Variants in CLIC5 observed in about 807,000 individuals in gnomAD.
The protein encoded by CLIC5 is CLIC family member 5.
CLIC5 carries 20 observed loss-of-function variants against 24.7 expected under a neutral mutation model. The ratio of observed to expected loss-of-function variants is 0.81; its 90% CI spans 0.57 to 1.18. The LOEUF is 1.18. CLIC5 is among the 50% of genes most tolerant of loss of function. The pLI is 0.00. For synonymous variants in CLIC5, 159 were observed against 135.6 expected, an observed-to-expected ratio of 1.17 and a Z score of -1.20; for missense variants, 341 against 326.1, an observed-to-expected ratio of 1.05 and a Z score of -0.35.
At chr6:45,925,744 T>C (rs1443536272) in intron 4 of CLIC5, among the ~76,000 whole-genome samples, 1 of 152,236 alleles carries the variant, frequency 6.6e-6, no homozygotes, top group Non-Finnish European at 1.5e-5. Flanking sequence ...ACTCTATTTA[T>C]ATACTTATGT....
At chr6:46,129,142 A>G in the CLIC5 span, among the ~76,000 whole-genome samples, 1 of 152,140 alleles carries the variant, frequency 6.6e-6, no homozygotes, top group African/African-American at 2.4e-5. Context: ...GAAAGAAAAT[A>G]CCTTCTGGAG....
At chr6:46,053,199 C>T (rs1486683748) in intron 1 of CLIC5, among the ~76,000 whole-genome samples, 2 of 152,060 alleles carry the variant, frequency 1.3e-5, no homozygotes, top group African/African-American at 2.4e-5. Flanking sequence ...GGGCCTGATA[C>T]ACATATGCAT....
exon 1 of CLIC5, chr6:46,079,712 G>C (rs1382322128): frequency 6.4e-7 from 1 of 1,550,802 alleles, no homozygotes; most frequent in South Asian, 1.2e-5. Flanking sequence ...CCTTCACAAA[G>C]AGGTAAATCT....
At chr6:46,035,753 T>C (rs1344555979) in intron 1 of CLIC5, among the ~76,000 whole-genome samples, 1 of 109,520 alleles carries the variant, frequency 9.1e-6, no homozygotes, top group Non-Finnish European at 2.1e-5. Flanking sequence ...TTTTATTTTC[T>C]TTTTTTTTTT....
intron 4 of CLIC5, among the ~76,000 whole-genome samples, chr6:45,918,188 T>G (rs1273646791): frequency 6.6e-6 from 1 of 152,190 alleles, no homozygotes; most frequent in Non-Finnish European, 1.5e-5. Context: ...TTAGATTTAT[T>G]TTTCTCTTTT....
At chr6:45,998,204 C>T (rs948582053) in intron 1 of CLIC5, among the ~76,000 whole-genome samples, 7 of 152,318 alleles carry the variant, frequency 4.6e-5, no homozygotes, top group African/African-American at 1.4e-4. Flanking sequence ...CACACGGTGA[C>T]ATCCTGGAAA....
At position 45,914,263 on chromosome 6, in the gene CLIC5, C is replaced by T; in HGVS notation, c.553G>A (p.Asp185Asn). 1 of 1,605,686 alleles carries T rather than the reference C, an allele frequency of 6.2e-7. No individual in the cohort carries two copies. The highest frequency in any genetic ancestry group is 8.5e-7 in the Non-Finnish European group (1 of 1,174,014). The change falls in exon 5 of 6, where the codon GAC becomes AAC. Residue 185 changes from aspartate to asparagine, a missense_variant. By Grantham distance (23) the Asp-to-Asn change is conservative (BLOSUM62 1). Coordinates refer to ENST00000339561, the MANE Select transcript of CLIC5 (RefSeq NM_016929.5). ...TGGAGCTTGGGCAACAGATTGCAGTCAGCCAGGGTCAGCTCATCCCCATCC... is the reference window on the plus strand; with the variant it reads ...TGGAGCTTGGGCAACAGATTGCAGTTAGCCAGGGTCAGCTCATCCCCATCC... Reference protein sequence around the residue: ...FLDGDELTLADCNLLPKLHVV... With the variant: ...FLDGDELTLANCNLLPKLHVV...
chr6:45,930,114 A>G (rs1763671259), intron 4 of CLIC5, among the ~76,000 whole-genome samples: 1 of 152,142 alleles, frequency 6.6e-6, no homozygotes, highest in African/African-American at 2.4e-5. Context: ...TCTGGAAAAA[A>G]TGCCCCACTT....
At chr6:45,897,076 T>C (rs1232834653), downstream of CLIC5, among the ~76,000 whole-genome samples, 1 of 152,142 alleles carries the variant, frequency 6.6e-6, no homozygotes, top group Non-Finnish European at 1.5e-5. Flanking sequence ...AACTCTGTGG[T>C]CACATCAAGG....
At chr6:45,889,797 C>A (rs1278421948) in intron 6 of CLIC5, among the ~76,000 whole-genome samples, 2 of 152,082 alleles carry the variant, frequency 1.3e-5, no homozygotes, top group East Asian at 3.9e-4. Flanking sequence ...GGAACCTAGC[C>A]TAAAAATATT....
At chr6:46,118,581 G>A in the CLIC5 span, among the ~76,000 whole-genome samples, 1 of 152,146 alleles carries the variant, frequency 6.6e-6, no homozygotes, top group Non-Finnish European at 1.5e-5. Context: ...AATACAAAAA[G>A]TATAGTGCTT....
chr6:45,958,451 T>TACACACACACAC (rs1764736138), intron 1 of CLIC5, among the ~76,000 whole-genome samples: 1 of 21,730 alleles, frequency 4.6e-5, no homozygotes, highest in African/African-American at 8.1e-5. Flanking sequence ...TATATATATA[T>TACACACACACAC]ATATATATAT....
Position 45,958,445 on chromosome 6 carries a change from T to TATACACACACACACACACACAC in CLIC5, c.64-3202_64-3201insGTGTGTGTGTGTGTGTGTGTAT, listed in dbSNP as rs1554151294. 1.8e-4 allele frequency among the ~76,000 whole-genome samples: 14 copies of TATACACACACACACACACACAC among 76,450 alleles called. 1 individual carries two copies. In the South Asian group the frequency reaches 5.9e-3, roughly 32 times the overall value. The allele number at this position is 76,450 out of a possible 152,430, so 50.2% of individuals were successfully genotyped here. A position where few individuals can be genotyped will look rare whatever the true frequency, so the allele number is the denominator to read the frequency against. On this transcript the variant is annotated intron_variant, in intron 1 of 5. Coordinates refer to ENST00000339561, the MANE Select transcript of CLIC5 (RefSeq NM_016929.5). ...AATTATATATATATATATATATATA[T>TATACACACACACACACACACAC]ATATATATATATATATATATATATA...
chr6:45,884,553 G>A (rs1478529530), intron 6 of CLIC5, among the ~76,000 whole-genome samples: 1 of 152,152 alleles, frequency 6.6e-6, no homozygotes, highest in East Asian at 1.9e-4. Context: ...GGGTCACATG[G>A]CCACCCTAGT....
chr6:45,947,437 G>GCACATC (rs974558784), intron 3 of CLIC5, among the ~76,000 whole-genome samples: 5 of 151,486 alleles, frequency 3.3e-5, no homozygotes, highest in African/African-American at 1.2e-4. Flanking sequence ...AGAGGTCACA[G>GCACATC]CACATCACTA....
In CLIC5 at chr6:45,881,670, G is replaced by A. The variant is rs1754424494; in HGVS notation, c.624-482C>T. Reference sequence around the variant, plus strand: ...ATTTTTAAAACTGTGTGTAATTTTAGGGAAATTTGATCCATGTGTTTCAGA... The same window carrying A: ...ATTTTTAAAACTGTGTGTAATTTTAAGGAAATTTGATCCATGTGTTTCAGA... On this transcript the variant is annotated intron_variant, in intron 6 of 6. Transcript: ENST00000644324. Among the ~76,000 whole-genome samples the A allele has an allele frequency of 1.3e-5, 2 of 152,134 alleles. 1 individual carries two copies. The highest frequency in any genetic ancestry group is 4.1e-4 in the South Asian group (2 of 4,824).
At chr6:45,952,295 C>T (rs1322761064) in intron 2 of CLIC5, among the ~76,000 whole-genome samples, 2 of 152,196 alleles carry the variant, frequency 1.3e-5, no homozygotes, top group African/African-American at 4.8e-5. Flanking sequence ...ATATCATTAG[C>T]ATTGGATGAC....
intron 1 of CLIC5, among the ~76,000 whole-genome samples, chr6:45,998,781 A>T (rs1395071501): frequency 1.3e-5 from 2 of 152,218 alleles, no homozygotes; most frequent in Non-Finnish European, 2.9e-5. Flanking sequence ...AGCTCCAGGC[A>T]TCATGCCACA....
At chr6:46,108,719 G>A in the CLIC5 span, among the ~76,000 whole-genome samples, 1 of 151,978 alleles carries the variant, frequency 6.6e-6, no homozygotes, top group African/African-American at 2.4e-5. Flanking sequence ...TTAATTGTTT[G>A]AAAAGCTGAG....
Sources: allele counts gnomAD v4.1 joint callset (sites outside exome capture counted in the v4.1 genomes callset), GRCh38; gene constraint gnomAD v4.1.1; transcripts MANE v1.5; gene names NCBI Gene and HGNC (gene_info 2026-07-23, HGNC 2026-07-21).